The following TNFRSF19 variants were observed in gnomAD, a reference collection of about 807,000 sequenced individuals.
TNFRSF19 encodes the protein TNF receptor superfamily member 19, also known as tumor necrosis factor receptor superfamily member 19.
In TNFRSF19, 27 loss-of-function variants were observed where a neutral mutation model predicts 46.4. That is an observed-to-expected ratio of 0.58 (90% CI 0.43 to 0.80). The LOEUF (loss-of-function observed/expected upper bound fraction) is 0.80. TNFRSF19 is among the 30% of genes least tolerant of loss of function. The pLI, the probability that TNFRSF19 is intolerant of heterozygous loss-of-function variation, is 0.00. For synonymous variants in TNFRSF19, 204 were observed against 205.0 expected (o/e 1.00, Z 0.04); for missense variants, 511 against 530.8 (o/e 0.96, Z 0.37).
At position 23,660,491 on chromosome 13, in the gene TNFRSF19, G is replaced by GT; in HGVS notation, c.736+2dup. The GT allele has an allele frequency of 6.2e-7, 1 of 1,612,564 alleles. No individual in the cohort carries two copies. The highest frequency in any genetic ancestry group is 8.5e-7 in the Non-Finnish European group (1 of 1,179,778). ...CGCCGTGACTCAGTGCAGACCTGCGGTAAGTTCAGCAGGGAAGTGCCGTTA... is the reference window on the plus strand; with the variant it reads ...CGCCGTGACTCAGTGCAGACCTGCGGTTAAGTTCAGCAGGGAAGTGCCGTTA... On this transcript the variant is annotated splice_donor_variant, in intron 7 of 9. Coordinates refer to ENST00000248484, the MANE Select transcript of TNFRSF19 (RefSeq NM_148957.4). LOFTEE classifies it high-confidence loss of function.
chr13:23,590,442 C>T (rs1879187522), intron 2 of TNFRSF19, among the ~76,000 whole-genome samples, 190 bp downstream of exon 2: 1 of 152,282 alleles, frequency 6.6e-6, no homozygotes, highest in South Asian at 2.1e-4. Context: ...TCAAGTGATT[C>T]TCCTGCCTCA....
chr13:23,666,453 G>A (rs774486496), intron 7 of TNFRSF19, among the ~76,000 whole-genome samples: 28 of 152,102 alleles, frequency 1.8e-4, no homozygotes, highest in Non-Finnish European at 3.8e-4. Flanking sequence ...GTTTAGACTC[G>A]TGGACTGTAT....
chr13:23,670,414 C>G lies in TNFRSF19; in HGVS notation c.1245+1317C>G, dbSNP rs147409180. ...TTGGAGGGAAAAAATTGGTTTCATT[C>G]TCAAAACGGGGGAATGGAGAAGTAA... On this transcript the variant is annotated intron_variant, in intron 9 of 9. Transcript: ENST00000248484. Among the ~76,000 whole-genome samples, 179 of 152,176 alleles carry G rather than the reference C, an allele frequency of 1.2e-3. 1 individual carries two copies. In the East Asian group the frequency reaches 0.015, roughly 13 times the overall value.
chr13:23,614,591 C>T (rs2138251852), intron 3 of TNFRSF19, among the ~76,000 whole-genome samples: 1 of 152,230 alleles, frequency 6.6e-6, no homozygotes, highest in Non-Finnish European at 1.5e-5. Context: ...TGTGGGCATG[C>T]CCAGCCTGCT....
intron 4 of TNFRSF19, among the ~76,000 whole-genome samples, chr13:23,625,333 T>TTC (rs1881929985): frequency 6.8e-6 from 1 of 146,896 alleles, no homozygotes; most frequent in Admixed American, 6.7e-5. Context: ...ATTCTTTTTT[T>TTC]TTTTTTTTTT....
intron 3 of TNFRSF19, among the ~76,000 whole-genome samples, chr13:23,606,006 C>A (rs1261517333): frequency 6.6e-6 from 1 of 152,050 alleles, no homozygotes; most frequent in Non-Finnish European, 1.5e-5. Context: ...CATTCTGGTG[C>A]AGGGTGCTGA....
chr13:23,617,024 A>G (rs1363557370), intron 4 of TNFRSF19, among the ~76,000 whole-genome samples: 1 of 152,234 alleles, frequency 6.6e-6, no homozygotes, highest in African/African-American at 2.4e-5. Flanking sequence ...CAGGACAGTG[A>G]CAGCGTAAAT....
At chr13:23,571,768 GAT>G (rs550400160) in intron 1 of TNFRSF19, among the ~76,000 whole-genome samples, 14 of 151,710 alleles carry the variant, frequency 9.2e-5, no homozygotes, top group Non-Finnish European at 1.6e-4. Context: ...GTCAGTTCAT[GAT>G]ACACACACAC....
chr13:23,668,646 T>A lies in TNFRSF19; in HGVS notation c.840-46T>A, dbSNP rs577293474. On this transcript the variant is annotated intron_variant, in intron 8 of 9. Coordinates refer to ENST00000248484, the MANE Select transcript of TNFRSF19 (RefSeq NM_148957.4). ...CTGACATGCTTCTTTGTAGTAGTGT[T>A]TTTCTCCCCATCAAAAACTTTAAGT... 28 of 1,557,294 alleles carry A rather than the reference T, an allele frequency of 1.8e-5. No individual in the cohort carries two copies. The African/African-American group carries it at 3.8e-4, about 21-fold the overall frequency.
At chr13:23,622,363 C>T (rs1281137346) in intron 4 of TNFRSF19, among the ~76,000 whole-genome samples, 1 of 151,994 alleles carries the variant, frequency 6.6e-6, no homozygotes, top group East Asian at 1.9e-4. Context: ...GAGCTGAGAT[C>T]ATGCCACTGC....
chr13:23,642,267 G>A (rs1883076726), intron 5 of TNFRSF19, among the ~76,000 whole-genome samples: 1 of 152,206 alleles, frequency 6.6e-6, no homozygotes, highest in African/African-American at 2.4e-5. Flanking sequence ...GTTTCCAAAG[G>A]CCTCTCCACT....
chr13:23,634,127 A>T (rs76519240), intron 5 of TNFRSF19, among the ~76,000 whole-genome samples: 139 of 152,346 alleles, frequency 9.1e-4, no homozygotes, highest in Admixed American at 2.6e-3. Context: ...CTCAAATTGA[A>T]ATCTTTCAAA....
intron 6 of TNFRSF19, among the ~76,000 whole-genome samples, chr13:23,660,145 T>A (rs1199265225): frequency 1.3e-5 from 2 of 152,234 alleles, no homozygotes; most frequent in African/African-American, 4.8e-5. Flanking sequence ...CCTGCGCCAC[T>A]AGGCAAAAAT....
At chr13:23,601,256 C>T (rs949422685) in intron 3 of TNFRSF19, among the ~76,000 whole-genome samples, 1 of 152,004 alleles carries the variant, frequency 6.6e-6, no homozygotes, top group Non-Finnish European at 1.5e-5. Flanking sequence ...GGGAAAAAAA[C>T]GCCATATGTA....
At chr13:23,662,954 A>G (rs1461862863) in intron 7 of TNFRSF19, among the ~76,000 whole-genome samples, 2 of 152,164 alleles carry the variant, frequency 1.3e-5, no homozygotes, top group Admixed American at 6.5e-5. Flanking sequence ...GAATCATGTC[A>G]TCTGCAAACA....
At chr13:23,598,457 A>T (rs1366453556) in intron 3 of TNFRSF19, among the ~76,000 whole-genome samples, 1 of 152,212 alleles carries the variant, frequency 6.6e-6, no homozygotes, top group Non-Finnish European at 1.5e-5. Flanking sequence ...CTTTTTCTTA[A>T]AATGAATGTC....
intron 5 of TNFRSF19, among the ~76,000 whole-genome samples, chr13:23,647,633 C>G (rs1003382382): frequency 7.2e-5 from 11 of 152,084 alleles, no homozygotes; most frequent in Admixed American, 7.2e-4. Flanking sequence ...TCAAGCAATC[C>G]TTCCACTTCA....
At chr13:23,634,879 G>A (rs1882576587) in intron 5 of TNFRSF19, among the ~76,000 whole-genome samples, 1 of 152,150 alleles carries the variant, frequency 6.6e-6, no homozygotes, top group Admixed American at 6.5e-5. Flanking sequence ...TTAAACTTGG[G>A]TGTCTAGCCA....
intron 5 of TNFRSF19, among the ~76,000 whole-genome samples, chr13:23,631,682 T>C (rs751379918): frequency 6.6e-6 from 1 of 152,132 alleles, no homozygotes; most frequent in Non-Finnish European, 1.5e-5. Context: ...CAAAAACAAA[T>C]TTAAAAGGAA....
Sources: allele counts gnomAD v4.1 joint callset (sites outside exome capture counted in the v4.1 genomes callset), GRCh38; gene constraint gnomAD v4.1.1; transcripts MANE v1.5; gene names NCBI Gene and HGNC (gene_info 2026-07-23, HGNC 2026-07-21).